The following TMEM62 variants were observed in gnomAD, a reference collection of about 807,000 sequenced individuals.
The protein encoded by TMEM62 is transmembrane protein 62.
A neutral mutation model predicts 70.4 loss-of-function variants in TMEM62; 41 were observed. The ratio of observed to expected loss-of-function variants is 0.58; its 90% CI spans 0.45 to 0.76. The LOEUF (loss-of-function observed/expected upper bound fraction) is 0.76, where lower values mean the gene tolerates loss of function less well. TMEM62 is among the 30% of genes least tolerant of loss of function. The pLI is 0.00. For missense variants in TMEM62, 688 were observed against 788.5 expected, an observed-to-expected ratio of 0.87 and a Z score of 1.53; for synonymous variants, 268 against 291.0, an observed-to-expected ratio of 0.92 and a Z score of 0.80.
intron 11 of TMEM62, among the ~76,000 whole-genome samples, chr15:43,176,196 G>A (rs1417531327): frequency 2.0e-5 from 3 of 152,284 alleles, no homozygotes; most frequent in African/African-American, 4.8e-5. Context: ...CGAACTGGGT[G>A]GAGCCCACCA....
Position 43,184,265 on chromosome 15 carries a change from GT to G in TMEM62, c.1617del (p.Phe539LeufsTer5). 1 of 1,610,852 alleles carries G rather than the reference GT, an allele frequency of 6.2e-7. No homozygotes were observed. Among genetic ancestry groups the G allele is most frequent in the Non-Finnish European group, 8.5e-7 (1 of 1,178,280 alleles). On this transcript the variant is annotated frameshift_variant, in exon 14 of 14. Transcript: ENST00000260403. LOFTEE classifies it high-confidence loss of function. ...TFIIGILQLA[F>X]FNIPLMAYMC... is the part of the protein sequence containing the mutation. ...ATGGTTCTGTTCTTTTCCAGCTGGC[GT>G]TTTTTAACATCCCCTTGATGGCTTA...
chr15:43,138,120 T>C (rs2035491036), intron 3 of TMEM62, among the ~76,000 whole-genome samples: 1 of 152,130 alleles, frequency 6.6e-6, no homozygotes, highest in South Asian at 2.1e-4. Flanking sequence ...GAATCAAGAT[T>C]CCAGGGTTTT....
At chr15:43,182,988 T>C (rs2041499803) in intron 13 of TMEM62, among the ~76,000 whole-genome samples, 1 of 152,228 alleles carries the variant, frequency 6.6e-6, no homozygotes, top group South Asian at 2.1e-4. Flanking sequence ...CTATATCCAA[T>C]GGCCACAGAT....
chr15:43,142,251 C>T (rs977531022), intron 4 of TMEM62, among the ~76,000 whole-genome samples: 3 of 150,608 alleles, frequency 2.0e-5, no homozygotes, highest in Admixed American at 6.6e-5. Flanking sequence ...CTGCAACCTC[C>T]GCCTCCCGGG....
chr15:43,176,989 T>G (rs2040826013), intron 11 of TMEM62, among the ~76,000 whole-genome samples: 1 of 151,884 alleles, frequency 6.6e-6, no homozygotes, highest in African/African-American at 2.4e-5. Context: ...GAGAAGTGCT[T>G]AAAGGAGCTG....
chr15:43,140,364 T>A (rs143027946), intron 4 of TMEM62, among the ~76,000 whole-genome samples: 2 of 152,332 alleles, frequency 1.3e-5, no homozygotes, highest in African/African-American at 4.8e-5. Context: ...CAGAATCTGG[T>A]ACTGTTCTGG....
intron 11 of TMEM62, among the ~76,000 whole-genome samples, chr15:43,174,218 C>A (rs555527554): frequency 2.0e-5 from 3 of 152,214 alleles, no homozygotes; most frequent in African/African-American, 7.2e-5. Flanking sequence ...CAGCCCCCAG[C>A]ACCAAATTTG....
chr15:43,163,424 AAC>A (rs2038992107), intron 10 of TMEM62, among the ~76,000 whole-genome samples: 1 of 152,098 alleles, frequency 6.6e-6, no homozygotes, highest in South Asian at 2.1e-4. Context: ...GTGGATTTTT[AAC>A]AGTCACCTAA....
chr15:43,143,709 T>C (rs1446130286), intron 4 of TMEM62, among the ~76,000 whole-genome samples: 4 of 152,226 alleles, frequency 2.6e-5, no homozygotes, highest in African/African-American at 9.6e-5. Flanking sequence ...GTCATACAAA[T>C]ATTAAAATAA....
At chr15:43,162,433 CTT>C (rs1169921008) in intron 10 of TMEM62, among the ~76,000 whole-genome samples, 4 of 137,010 alleles carry the variant, frequency 2.9e-5, no homozygotes, top group African/African-American at 9.2e-5. Context: ...GCCCCTGGCC[CTT>C]TTTTTTTTTT....
At chr15:43,135,477 T>G (rs771065276) in intron 2 of TMEM62, 35 bp from the exon 3 acceptor site, 2 of 1,564,360 alleles carry the variant, frequency 1.3e-6, no homozygotes, top group Non-Finnish European at 8.6e-7. Flanking sequence ...GTAGTTTATT[T>G]TGCATTGTGA....
chr15:43,171,429 T>C (rs1413356181), intron 11 of TMEM62, among the ~76,000 whole-genome samples: 1 of 151,934 alleles, frequency 6.6e-6, no homozygotes, highest in African/African-American at 2.4e-5. Flanking sequence ...CTTCCACAAC[T>C]TGCTTAGACC....
At chr15:43,150,966 T>C (rs1323618976) in intron 7 of TMEM62, among the ~76,000 whole-genome samples, 2 of 152,274 alleles carry the variant, frequency 1.3e-5, no homozygotes, top group Non-Finnish European at 2.9e-5. Flanking sequence ...TATAAAACTT[T>C]GGTTATTCTT....
At chr15:43,166,927 T>C (rs2039497709) in intron 10 of TMEM62, among the ~76,000 whole-genome samples, 1 of 152,216 alleles carries the variant, frequency 6.6e-6, no homozygotes, top group African/African-American at 2.4e-5. Flanking sequence ...AAGTCTCCCA[T>C]GTCTACCTCT....
chr15:43,176,698 CA>C (rs1286752030), intron 11 of TMEM62, among the ~76,000 whole-genome samples: 2 of 151,928 alleles, frequency 1.3e-5, no homozygotes, highest in Admixed American at 6.6e-5. Context: ...TCACCATCAT[CA>C]AAGACCAAAA....
intron 10 of TMEM62, among the ~76,000 whole-genome samples, chr15:43,162,673 C>T (rs962210379): frequency 6.6e-6 from 1 of 152,124 alleles, no homozygotes. Context: ...CTCAGGTGAT[C>T]CACCCACCTC....
intron 9 of TMEM62, among the ~76,000 whole-genome samples, chr15:43,156,844 C>A (rs2038105234): frequency 6.6e-6 from 1 of 152,156 alleles, no homozygotes; most frequent in Admixed American, 6.5e-5. Context: ...TCATCGCCTA[C>A]AAACAATATG....
At chr15:43,137,305 G>A (rs1273793175) in intron 3 of TMEM62, among the ~76,000 whole-genome samples, 1 of 152,214 alleles carries the variant, frequency 6.6e-6, no homozygotes, top group Non-Finnish European at 1.5e-5. Context: ...ACATGATTAA[G>A]ACAAGAGCAA....
In TMEM62 at chr15:43,133,964, C is replaced by A. The variant is rs778220047; in HGVS notation, c.162C>A (p.Asn54Lys). ...PHPAPGPGDSNIFWGLQISDI... is the reference protein window; with the variant it reads ...PHPAPGPGDSKIFWGLQISDI... The stretch of plus-strand genomic sequence containing the variant: ...CTGCGCCAGGGCCCGGAGACAGCAA[C>A]ATCTTCTGGGGCCTGCAGGTGACGC... Residue 54 changes from asparagine (N) to lysine (K), a missense_variant, in exon 1 of 14, where the codon AAC becomes AAA. By Grantham distance (94) the Asn-to-Lys change is moderately conservative. Transcript: ENST00000260403. 1 of 1,459,896 alleles carries A rather than the reference C, an allele frequency of 6.8e-7. No individual in the cohort carries two copies. 90.4% of individuals were successfully genotyped at this position (1,459,896 alleles called of 1,614,324 possible). A position where few individuals can be genotyped will look rare whatever the true frequency, so the allele number is the denominator to read the frequency against.
Sources: allele counts gnomAD v4.1 joint callset (sites outside exome capture counted in the v4.1 genomes callset), GRCh38; gene constraint gnomAD v4.1.1; transcripts MANE v1.5; gene names NCBI Gene and HGNC (gene_info 2026-07-23, HGNC 2026-07-21).